The following ILKAP variants were observed in gnomAD, a reference collection of about 807,000 sequenced individuals.
The protein encoded by ILKAP is integrin-linked kinase-associated serine/threonine phosphatase 2C.
Under a neutral mutation model 49.1 loss-of-function variants are expected in ILKAP, and 11 were observed. The ratio of observed to expected loss-of-function variants is 0.22; its 90% CI spans 0.14 to 0.37. The LOEUF is 0.37. Among genes scored for constraint, ILKAP ranks in the 10% least tolerant of loss-of-function variants. The probability of loss-of-function intolerance (pLI) is 1.00; values close to 1 mark genes in which losing one functional copy is unlikely to be tolerated. For synonymous variants in ILKAP, 186 were observed against 192.8 expected (o/e 0.96, Z 0.29); for missense variants, 363 against 510.8 (o/e 0.71, Z 2.79).
chr2:238,182,219 T>C lies in ILKAP; in HGVS notation c.715-33A>G. 1.9e-6 allele frequency: 3 copies of C among 1,611,088 alleles called. No homozygotes were observed. In the South Asian group the frequency reaches 3.3e-5, roughly 18 times the overall value. On this transcript the variant is annotated intron_variant, in intron 8 of 11. Coordinates refer to ENST00000254654, the MANE Select transcript of ILKAP (RefSeq NM_030768.3). ...GATGGAGATTGTAATAGTCATGAAA[T>C]TCAGTGGGCGCAGCATCTAAAGGTA...
intron 1 of ILKAP, among the ~76,000 whole-genome samples, chr2:238,199,512 AC>A (rs1280554098): frequency 2.0e-5 from 3 of 152,102 alleles, no homozygotes; most frequent in Non-Finnish European, 2.9e-5. Flanking sequence ...TTACCTCTGA[AC>A]TGGGAGGATA....
chr2:238,176,685 G>A (rs1308357017), intron 9 of ILKAP, among the ~76,000 whole-genome samples: 1 of 152,022 alleles, frequency 6.6e-6, no homozygotes, highest in East Asian at 1.9e-4. Context: ...AGAGAGACTG[G>A]GTGAGACTGA....
chr2:238,182,252 A>T (rs1030571175), intron 8 of ILKAP, 66 bp from the exon 9 acceptor site: 1 of 1,572,060 alleles, frequency 6.4e-7, no homozygotes, highest in Non-Finnish European at 8.7e-7. Context: ...GTACCAGTTG[A>T]AAAAAACAGT....
chr2:238,194,631 G>C, intron 2 of ILKAP, 174 bp downstream of exon 2: 1 of 653,632 alleles, frequency 1.5e-6, no homozygotes, highest in Non-Finnish European at 2.6e-6. Context: ...CAGGGCTAGC[G>C]ACTAGCAGAT....
intron 1 of ILKAP, among the ~76,000 whole-genome samples, chr2:238,202,887 G>GA (rs397954562): frequency 0.28 from 33,071 of 116,524 alleles, 4,114 homozygotes; most frequent in East Asian, 0.52. Context: ...CCGTGGACCA[G>GA]AAAAAAAAAA....
chr2:238,199,306 G>A (rs529497447), intron 1 of ILKAP, among the ~76,000 whole-genome samples: 18 of 152,268 alleles, frequency 1.2e-4, no homozygotes, highest in African/African-American at 1.9e-4. Context: ...TAGACTGCTC[G>A]TCAAAGGATA....
chr2:238,196,699 C>T (rs565729770), intron 1 of ILKAP, among the ~76,000 whole-genome samples: 2 of 152,224 alleles, frequency 1.3e-5, no homozygotes, highest in Admixed American at 6.5e-5. Flanking sequence ...GGGGTCTTTG[C>T]GTCAGAAGTA....
chr2:238,186,686 A>T (rs569598837), intron 5 of ILKAP: 1 of 152,140 alleles, frequency 6.6e-6, no homozygotes, highest in Non-Finnish European at 1.5e-5. Context: ...GGAATAAAAG[A>T]CATCAAATAA....
chr2:238,199,305 C>T (rs998860136), intron 1 of ILKAP, among the ~76,000 whole-genome samples: 1 of 152,182 alleles, frequency 6.6e-6, no homozygotes, highest in African/African-American at 2.4e-5. Context: ...CTAGACTGCT[C>T]GTCAAAGGAT....
intron 1 of ILKAP, among the ~76,000 whole-genome samples, chr2:238,201,382 C>T (rs1559303848): frequency 1.3e-5 from 2 of 152,166 alleles, no homozygotes; most frequent in African/African-American, 2.4e-5. Context: ...AGATCTTCTT[C>T]GTTTTAAAGC....
chr2:238,191,099 C>A (rs1460027962), intron 3 of ILKAP, among the ~76,000 whole-genome samples: 1 of 151,894 alleles, frequency 6.6e-6, no homozygotes, highest in Admixed American at 6.6e-5. Context: ...GGACTGAAAG[C>A]AGGAACCACT....
At chr2:238,200,362 T>C (rs1694518910) in intron 1 of ILKAP, among the ~76,000 whole-genome samples, 1 of 152,168 alleles carries the variant, frequency 6.6e-6, no homozygotes. Context: ...TTTAAGAGGT[T>C]TAGGGGTGGG....
In ILKAP at chr2:238,185,300, A is replaced by G. The variant is rs771709409; in HGVS notation, c.426-13T>C. On this transcript the variant is annotated splice_polypyrimidine_tract_variant and intron_variant, in intron 5 of 11. Coordinates refer to ENST00000254654, the MANE Select transcript of ILKAP (RefSeq NM_030768.3). The stretch of plus-strand genomic sequence containing the variant: ...TGAAACCCGAGTACTGAAAGAACGA[A>G]TTGAGAGTTAATCAAATTCTCACAG... 6.6e-6 allele frequency: 10 copies of G among 1,517,220 alleles called. No individual in the cohort carries two copies. Among genetic ancestry groups the G allele is most frequent in the Non-Finnish European group, 9.1e-6 (10 of 1,093,738 alleles). The allele number at this position is 1,517,220 out of a possible 1,614,324, so 94.0% of individuals were successfully genotyped here. A position where few individuals can be genotyped will look rare whatever the true frequency, so the allele number is the denominator to read the frequency against.
chr2:238,177,425 G>T (rs1007356683), intron 9 of ILKAP, among the ~76,000 whole-genome samples: 2 of 152,024 alleles, frequency 1.3e-5, no homozygotes, highest in African/African-American at 4.8e-5. Context: ...CCATCCCCAG[G>T]ACTTTTTCTA....
chr2:238,181,686 G>A (rs1301657595), intron 9 of ILKAP, among the ~76,000 whole-genome samples: 11 of 150,266 alleles, frequency 7.3e-5, no homozygotes, highest in African/African-American at 1.5e-4. Flanking sequence ...GCAGTGGTGC[G>A]ATCTTGGCTC....
chr2:238,173,391 A>C, intron 10 of ILKAP, 143 bp downstream of exon 10: 1 of 1,082,518 alleles, frequency 9.2e-7, no homozygotes, highest in Admixed American at 2.7e-5. Context: ...CAGAGCAGAA[A>C]CCACATTTTG....
intron 5 of ILKAP, chr2:238,186,176 G>T (rs1414398486): frequency 6.6e-6 from 1 of 152,192 alleles, no homozygotes; most frequent in African/African-American, 2.4e-5. Flanking sequence ...AACTAACACG[G>T]CGCAGCTTAC....
intron 5 of ILKAP, chr2:238,186,748 A>G (rs1172299867): frequency 6.6e-6 from 1 of 151,302 alleles, no homozygotes; most frequent in African/African-American, 2.4e-5. Flanking sequence ...AATGACATTT[A>G]TTCTAGAGAG....
At chr2:238,185,125 C>G in intron 6 of ILKAP, 56 bp downstream of exon 6, 4 of 1,094,776 alleles carry the variant, frequency 3.7e-6, no homozygotes, top group Non-Finnish European at 4.2e-6. Context: ...CTTCACACAG[C>G]CAACCAAACA....
Sources: allele counts gnomAD v4.1 joint callset (sites outside exome capture counted in the v4.1 genomes callset), GRCh38; gene constraint gnomAD v4.1.1; transcripts MANE v1.5; gene names NCBI Gene and HGNC (gene_info 2026-07-23, HGNC 2026-07-21).